Variants in CTNNA3 observed in about 807,000 individuals in gnomAD.
The protein encoded by CTNNA3 is catenin alpha-3.
In CTNNA3, 76 loss-of-function variants were observed where a neutral mutation model predicts 95.7. The ratio of observed to expected loss-of-function variants is 0.79; its 90% confidence interval spans 0.66 to 0.96. CTNNA3 has a LOEUF of 0.96. Among genes scored for constraint, CTNNA3 ranks in the 40% least tolerant of loss-of-function variants. The pLI is 0.00. For missense variants in CTNNA3, 1,191 were observed against 1,089.8 expected, an observed-to-expected ratio of 1.09 and a Z score of -1.31; for synonymous variants, 431 against 374.4, an observed-to-expected ratio of 1.15 and a Z score of -1.74.
intron 10 of CTNNA3, among the ~76,000 whole-genome samples, chr10:66,522,126 T>C (rs896097349): frequency 2.6e-5 from 4 of 152,160 alleles, no homozygotes; most frequent in Non-Finnish European, 4.4e-5. Flanking sequence ...TGGATGTGGA[T>C]GGGCTGCTTC....
chr10:65,961,016 T>C (rs985423880), intron 17 of CTNNA3, among the ~76,000 whole-genome samples: 1 of 152,152 alleles, frequency 6.6e-6, no homozygotes, highest in Non-Finnish European at 1.5e-5. Context: ...AACATCACAT[T>C]CTCTCATTTG....
At chr10:66,908,014 A>G (rs901778281) in intron 7 of CTNNA3, among the ~76,000 whole-genome samples, 36 of 152,208 alleles carry the variant, frequency 2.4e-4, no homozygotes, top group African/African-American at 8.2e-4. Context: ...TTCACTACAC[A>G]TAGCACATCT....
chr10:66,926,490 T>G, intron 7 of CTNNA3: 1 of 1,442,320 alleles, frequency 6.9e-7, no homozygotes, highest in African/African-American at 1.4e-5. Flanking sequence ...CAGCGAGCCC[T>G]GACTCACTAC....
chr10:66,806,768 G>A (rs1037858413), intron 7 of CTNNA3, among the ~76,000 whole-genome samples: 1 of 122,888 alleles, frequency 8.1e-6, no homozygotes, highest in Admixed American at 8.4e-5. Flanking sequence ...GTGTGTGTGT[G>A]TGTGTGTGTG....
At chr10:65,965,166 G>C (rs779401516) in intron 17 of CTNNA3, among the ~76,000 whole-genome samples, 1 of 151,916 alleles carries the variant, frequency 6.6e-6, no homozygotes, top group African/African-American at 2.4e-5. Flanking sequence ...ATTCACTTTC[G>C]ACTTGTGTTT....
intron 7 of CTNNA3, among the ~76,000 whole-genome samples, chr10:66,870,140 AT>A (rs148882270): frequency 7.9e-5 from 12 of 151,824 alleles, no homozygotes; most frequent in African/African-American, 2.4e-4. Flanking sequence ...TCAGCTGAGA[AT>A]TTTTTTTTAA....
intron 9 of CTNNA3, among the ~76,000 whole-genome samples, chr10:66,637,988 C>T (rs936739605): frequency 1.3e-5 from 2 of 152,096 alleles, no homozygotes; most frequent in African/African-American, 2.4e-5. Context: ...TGCTGTTTGT[C>T]CAGGCACAAT....
chr10:67,695,346 C>G (rs763603282), intron 1 of CTNNA3, among the ~76,000 whole-genome samples: 1 of 152,126 alleles, frequency 6.6e-6, no homozygotes, highest in Non-Finnish European at 1.5e-5. Flanking sequence ...GTGTAACTGA[C>G]AGCAGCTGCT....
intron 14 of CTNNA3, chr10:66,079,354 T>C (rs2080655675): frequency 6.6e-6 from 1 of 151,968 alleles, no homozygotes; most frequent in Admixed American, 6.6e-5. Flanking sequence ...CCAATTCTAG[T>C]GACTTTTAAA....
At chr10:66,988,134 T>G (rs1400661394) in intron 7 of CTNNA3, among the ~76,000 whole-genome samples, 5 of 152,128 alleles carry the variant, frequency 3.3e-5, no homozygotes, top group Non-Finnish European at 7.4e-5. Flanking sequence ...AAGCTCAAAT[T>G]TCCAATTCCT....
intron 9 of CTNNA3, among the ~76,000 whole-genome samples, chr10:66,655,613 A>G (rs1846048635): frequency 6.6e-6 from 1 of 152,104 alleles, no homozygotes; most frequent in African/African-American, 2.4e-5. Flanking sequence ...TGGTGATAGG[A>G]TAAGGATGCA....
intron 6 of CTNNA3, among the ~76,000 whole-genome samples, chr10:67,198,339 T>C (rs1289364660): frequency 6.6e-6 from 1 of 152,146 alleles, no homozygotes; most frequent in Non-Finnish European, 1.5e-5. Context: ...AAGTTTAAGC[T>C]GTTGCCAGTC....
At chr10:66,081,781 T>C (rs2080772015) in intron 14 of CTNNA3, among the ~76,000 whole-genome samples, 1 of 152,176 alleles carries the variant, frequency 6.6e-6, no homozygotes, top group South Asian at 2.1e-4. Context: ...TTAAAATTTA[T>C]AGGTGAACAT....
At chr10:66,388,817 TTG>T (rs2092913778) in intron 11 of CTNNA3, among the ~76,000 whole-genome samples, 2 of 152,116 alleles carry the variant, frequency 1.3e-5, no homozygotes, top group African/African-American at 2.4e-5. Context: ...TTCACAAAGT[TTG>T]TATTACTGTG....
intron 12 of CTNNA3, among the ~76,000 whole-genome samples, chr10:66,302,384 A>G (rs2091874394): frequency 6.6e-6 from 1 of 152,150 alleles, no homozygotes; most frequent in Non-Finnish European, 1.5e-5. Flanking sequence ...TTGAAAGACA[A>G]AATTAGAGGA....
intron 7 of CTNNA3, among the ~76,000 whole-genome samples, chr10:66,844,292 TTC>T (rs1203204518): frequency 7.2e-5 from 11 of 152,234 alleles, no homozygotes; most frequent in Non-Finnish European, 1.5e-4. Context: ...GTATGTTCTA[TTC>T]CTTGGTTATT....
chr10:67,250,568 C>T (rs1866069887), intron 5 of CTNNA3, among the ~76,000 whole-genome samples: 1 of 152,012 alleles, frequency 6.6e-6, no homozygotes, highest in Admixed American at 6.6e-5. Context: ...TTTCAAGACT[C>T]GAGTACCTGG....
chr10:66,789,937 G>A (rs918532210), intron 7 of CTNNA3, among the ~76,000 whole-genome samples: 1 of 152,150 alleles, frequency 6.6e-6, no homozygotes, highest in Non-Finnish European at 1.5e-5. Flanking sequence ...GATACTGAAT[G>A]TTAGCTCAGC....
chr10:67,257,783 G>T (rs931913425), intron 5 of CTNNA3, among the ~76,000 whole-genome samples: 5 of 152,058 alleles, frequency 3.3e-5, no homozygotes, highest in African/African-American at 4.8e-5. Flanking sequence ...TAATATTACA[G>T]ATAATATAAA....
Sources: allele counts gnomAD v4.1 joint callset (sites outside exome capture counted in the v4.1 genomes callset), GRCh38; gene constraint gnomAD v4.1.1; transcripts MANE v1.5; gene names NCBI Gene and HGNC (gene_info 2026-07-23, HGNC 2026-07-21).